DLGAP4: variants seen among roughly 807,000 people sequenced by gnomAD.
DLGAP4 encodes the protein disks large-associated protein 4.
DLGAP4 carries 18 observed loss-of-function variants against 86.9 expected under a neutral mutation model. The observed-to-expected ratio is 0.21, with a 90% CI of 0.14 to 0.31. DLGAP4 has a LOEUF of 0.31. DLGAP4 is among the 10% of genes least tolerant of loss of function. The probability of loss-of-function intolerance (pLI) is 1.00; values close to 1 mark genes in which losing one functional copy is unlikely to be tolerated. For synonymous variants in DLGAP4, 548 were observed against 574.3 expected (o/e 0.95, Z 0.65); for missense variants, 1,085 against 1,362.6 (o/e 0.80, Z 3.21).
chr20:36,396,776 A>T (rs775914934), intron 2 of DLGAP4, among the ~76,000 whole-genome samples: 3 of 152,090 alleles, frequency 2.0e-5, no homozygotes, highest in African/African-American at 7.2e-5. Flanking sequence ...ACTTAGCCTC[A>T]GTTTCTCCAT....
chr20:36,348,503 C>A (rs2030020741), intron 1 of DLGAP4, among the ~76,000 whole-genome samples: 1 of 151,994 alleles, frequency 6.6e-6, no homozygotes. Flanking sequence ...ACTGCAACCT[C>A]CGCCTCCCAG....
At chr20:36,461,052 GCTT>G (rs1406780369) in intron 7 of DLGAP4, among the ~76,000 whole-genome samples, 1 of 152,220 alleles carries the variant, frequency 6.6e-6, no homozygotes, top group Non-Finnish European at 1.5e-5. Flanking sequence ...ACCTCGGGCA[GCTT>G]CCTCGGAGCC....
At position 36,431,657 on chromosome 20, in the gene DLGAP4, C is replaced by A. The variant is rs557490769; in HGVS notation, c.-61C>A. 8.1e-5 allele frequency: 123 copies of A among 1,509,614 alleles called. No homozygotes were observed. The African/African-American group carries it at 1.6e-3, about 20-fold the overall frequency. 93.5% of individuals were successfully genotyped at this position (1,509,614 alleles called of 1,614,324 possible). A position where few individuals can be genotyped will look rare whatever the true frequency, so the allele number is the denominator to read the frequency against. On this transcript the variant is annotated 5_prime_UTR_variant, in exon 3 of 13. Coordinates refer to ENST00000339266, the MANE Select transcript of DLGAP4 (RefSeq NM_001365621.2). This position sits in a 1 kb window ranked among gnomAD's most constrained non-coding sequence, Gnocchi z 5.1. ...TCTTCTCTCCCTAGGATAGCTGCCG[C>A]CCGGGAGAGGTGACCCGGGCGCCCT...
chr20:36,485,357 A>T (rs2035364689), intron 7 of DLGAP4, among the ~76,000 whole-genome samples: 1 of 152,066 alleles, frequency 6.6e-6, no homozygotes, highest in Non-Finnish European at 1.5e-5. Context: ...GTCCCAAAAA[A>T]AAAAAAAAAA....
Position 36,360,394 on chromosome 20 carries a change from C to T in DLGAP4, c.-303-6651C>T, listed in dbSNP as rs540233520. 6.6e-5 allele frequency among the ~76,000 whole-genome samples: 10 copies of T among 152,310 alleles called. 1 individual carries two copies. In the South Asian group the frequency reaches 2.1e-3, roughly 32 times the overall value. ...CACTCCTCATCTTCTGGTCAAGTTC[C>T]TCAGACATCCCAGGTGTCTCCCTCC... On this transcript the variant is annotated intron_variant, in intron 1 of 12. Transcript: ENST00000339266.
rs566349850 is a variant in DLGAP4 at position 36,432,112 on chromosome 20, G to A, written c.395G>A (p.Arg132His). Residue 132 changes from arginine (R) to histidine (H), a missense_variant, in exon 3 of 13, where the codon CGT (arginine) becomes CAT (histidine). Arg to His is a conservative substitution (Grantham distance 29). Transcript: ENST00000339266. This position sits in a 1 kb window ranked among gnomAD's most constrained non-coding sequence, Gnocchi z 6.5. ...LQFPRGEAKA[R>H]GESPGRIRHL... Reference sequence around the variant, plus strand: ...TTTCCCCGTGGCGAGGCCAAGGCCCGTGGTGAGAGCCCTGGCCGCATCCGC... The same window carrying A: ...TTTCCCCGTGGCGAGGCCAAGGCCCATGGTGAGAGCCCTGGCCGCATCCGC... 2.6e-5 allele frequency: 42 copies of A among 1,614,192 alleles called. No individual in the cohort carries two copies. Among genetic ancestry groups the A allele is most frequent in the East Asian group, 1.1e-4 (5 of 44,872 alleles).
intron 1 of DLGAP4, among the ~76,000 whole-genome samples, chr20:36,332,636 C>G (rs771915174): frequency 8.5e-5 from 13 of 152,092 alleles, no homozygotes; most frequent in Non-Finnish European, 1.9e-4. Context: ...GTGATCCGCC[C>G]GCCTGTGCCA....
At chr20:36,361,408 G>T (rs892940181) in intron 1 of DLGAP4, among the ~76,000 whole-genome samples, 1 of 152,180 alleles carries the variant, frequency 6.6e-6, no homozygotes, top group African/African-American at 2.4e-5. Context: ...ACCCTGAGTC[G>T]AATTCTTTTG....
chr20:36,421,469 AAGAG>A (rs1320248116), intron 2 of DLGAP4, among the ~76,000 whole-genome samples: 6 of 151,556 alleles, frequency 4.0e-5, no homozygotes, highest in Admixed American at 1.3e-4. Context: ...AAAAAAAAAA[AAGAG>A]AGAATAGGTT....
chr20:36,409,143 C>T (rs1217348252), intron 2 of DLGAP4, among the ~76,000 whole-genome samples: 2 of 144,622 alleles, frequency 1.4e-5, no homozygotes, highest in Admixed American at 7.4e-5. Flanking sequence ...TCAAGCGATT[C>T]TCATGCCTCA....
chr20:36,401,466 C>G (rs182512152), intron 2 of DLGAP4, among the ~76,000 whole-genome samples: 1 of 152,180 alleles, frequency 6.6e-6, no homozygotes, highest in Non-Finnish European at 1.5e-5. Context: ...CTCAGGCAGG[C>G]GGCTTTTCCC....
intron 2 of DLGAP4, among the ~76,000 whole-genome samples, chr20:36,400,738 G>C (rs1047172254): frequency 4.0e-5 from 6 of 151,522 alleles, no homozygotes; most frequent in Admixed American, 6.6e-5. Flanking sequence ...ACTTTAGGAA[G>C]ATCTTTCGCA....
chr20:36,520,815 T>C (rs2037333842), intron 10 of DLGAP4, among the ~76,000 whole-genome samples: 1 of 151,548 alleles, frequency 6.6e-6, no homozygotes, highest in Non-Finnish European at 1.5e-5. Flanking sequence ...CATGGAGATT[T>C]GGTCTTATGT....
At chr20:36,426,118 G>A (rs1418653954) in intron 2 of DLGAP4, among the ~76,000 whole-genome samples, 3 of 152,196 alleles carry the variant, frequency 2.0e-5, no homozygotes, top group African/African-American at 7.2e-5. Context: ...CAAACATTAT[G>A]CTACGTGAAA....
chr20:36,437,768 G>A (rs1240609863), intron 4 of DLGAP4, among the ~76,000 whole-genome samples: 1 of 152,168 alleles, frequency 6.6e-6, no homozygotes, highest in Admixed American at 6.5e-5. Context: ...TGGTACCTAG[G>A]CAGGAAGAGG....
At chr20:36,501,339 T>C (rs1219305085) in intron 10 of DLGAP4, among the ~76,000 whole-genome samples, 3 of 152,228 alleles carry the variant, frequency 2.0e-5, no homozygotes, top group Non-Finnish European at 4.4e-5. Context: ...GTGCTGGGAT[T>C]ACAGGCGTGA....
intron 6 of DLGAP4, among the ~76,000 whole-genome samples, chr20:36,443,336 C>T (rs911359711): frequency 7.2e-5 from 11 of 152,110 alleles, no homozygotes; most frequent in Non-Finnish European, 2.9e-5. Context: ...CCTATCCTGC[C>T]CCTGGAAGTG....
chr20:36,493,854 G>A (rs747697631), intron 7 of DLGAP4, among the ~76,000 whole-genome samples: 4 of 152,234 alleles, frequency 2.6e-5, no homozygotes, highest in Admixed American at 6.5e-5. Flanking sequence ...TGAGGCTTAC[G>A]TTAGAAAGCC....
At chr20:36,439,429 G>A (rs964865740) in intron 4 of DLGAP4, among the ~76,000 whole-genome samples, 1 of 152,164 alleles carries the variant, frequency 6.6e-6, no homozygotes, top group Non-Finnish European at 1.5e-5. Flanking sequence ...GGAGATAAGG[G>A]GTGAGTCTAG....
Sources: allele counts gnomAD v4.1 joint callset (sites outside exome capture counted in the v4.1 genomes callset), GRCh38; gene constraint gnomAD v4.1.1; non-coding constraint Gnocchi (gnomAD v3.1); transcripts MANE v1.5; gene names NCBI Gene and HGNC (gene_info 2026-07-23, HGNC 2026-07-21).